Variants in KCNQ5 observed in about 807,000 individuals in gnomAD.
The protein encoded by KCNQ5 is potassium voltage-gated channel subfamily KQT member 5.
In KCNQ5, 30 loss-of-function variants were observed where a neutral mutation model predicts 98.2. That is an observed-to-expected ratio of 0.31 (90% CI 0.23 to 0.41). KCNQ5 has a LOEUF of 0.41. Ranked by LOEUF, KCNQ5 falls within the 10% of genes least tolerant of loss-of-function variation. The pLI is 1.00. For synonymous variants in KCNQ5, 458 were observed against 449.4 expected (o/e 1.02, Z -0.24); for missense variants, 835 against 1,182.5 (o/e 0.71, Z 4.31).
intron 1 of KCNQ5, among the ~76,000 whole-genome samples, chr6:72,727,899 C>T (rs918139176): frequency 6.6e-6 from 1 of 152,138 alleles, no homozygotes; most frequent in Admixed American, 6.5e-5. Context: ...CAGGTTGGGT[C>T]TATGTCCACT....
chr6:72,898,133 G>T lies in KCNQ5; in HGVS notation c.399-105775G>T, dbSNP rs1033137853. Among the ~76,000 whole-genome samples the T allele has an allele frequency of 1.3e-5, 2 of 152,098 alleles. 1 individual carries two copies. The highest frequency in any genetic ancestry group is 4.2e-4 in the South Asian group (2 of 4,816). On this transcript the variant is annotated intron_variant, in intron 1 of 13. Transcript: ENST00000370398. ...GGGGAAAATGTCTGTATACATGAGGGGGAAACGTTTGTGTAATGAGATTTT... is the reference window on the plus strand; with the variant it reads ...GGGGAAAATGTCTGTATACATGAGGTGGAAACGTTTGTGTAATGAGATTTT...
At chr6:72,677,793 A>G (rs1767487635) in intron 1 of KCNQ5, among the ~76,000 whole-genome samples, 1 of 152,360 alleles carries the variant, frequency 6.6e-6, no homozygotes, top group South Asian at 2.1e-4. Context: ...CTATTGAACT[A>G]TAAATCAAAT....
At chr6:73,147,971 A>G (rs978571396) in intron 10 of KCNQ5, among the ~76,000 whole-genome samples, 1 of 152,202 alleles carries the variant, frequency 6.6e-6, no homozygotes, top group Non-Finnish European at 1.5e-5. Flanking sequence ...TTTAAGGAAC[A>G]TATAAAAACA....
chr6:73,131,941 A>G (rs1582415675), intron 9 of KCNQ5, among the ~76,000 whole-genome samples: 1 of 152,220 alleles, frequency 6.6e-6, no homozygotes. Context: ...TGTCAGTTGC[A>G]TGGTCAACTT....
intron 5 of KCNQ5, among the ~76,000 whole-genome samples, chr6:73,088,023 CTT>C (rs35354592): frequency 4.9e-4 from 66 of 133,360 alleles, no homozygotes; most frequent in Middle Eastern, 4.0e-3. Flanking sequence ...CTCTCTCTCT[CTT>C]TTTTTTTTTT....
At chr6:73,181,117 G>A (rs2150514483) in intron 11 of KCNQ5, among the ~76,000 whole-genome samples, 1 of 152,264 alleles carries the variant, frequency 6.6e-6, no homozygotes, top group East Asian at 1.9e-4. Context: ...GTTTCACTTT[G>A]CTTTAGTTAT....
At chr6:72,868,651 G>C (rs1220591923) in intron 1 of KCNQ5, among the ~76,000 whole-genome samples, 1 of 152,200 alleles carries the variant, frequency 6.6e-6, no homozygotes, top group African/African-American at 2.4e-5. Flanking sequence ...AGGCAAAGGT[G>C]ACAGTCAGGT....
At chr6:72,983,513 C>T (rs1768578351) in intron 1 of KCNQ5, among the ~76,000 whole-genome samples, 2 of 152,146 alleles carry the variant, frequency 1.3e-5, no homozygotes, top group Admixed American at 1.3e-4. Context: ...CCATGGTTTT[C>T]AGCTCCATCA....
chr6:72,910,713 G>T (rs1562062288), intron 1 of KCNQ5, among the ~76,000 whole-genome samples: 1 of 151,816 alleles, frequency 6.6e-6, no homozygotes, highest in Admixed American at 6.6e-5. Flanking sequence ...TCTAAATTTT[G>T]TTGCTGTGTC....
At chr6:72,649,248 T>C (rs768182790) in intron 1 of KCNQ5, among the ~76,000 whole-genome samples, 1 of 152,168 alleles carries the variant, frequency 6.6e-6, no homozygotes, top group Non-Finnish European at 1.5e-5. Context: ...TCACAGCCTC[T>C]TTCAGAATCT....
intron 1 of KCNQ5, among the ~76,000 whole-genome samples, chr6:72,922,456 A>T (rs953878529): frequency 1.6e-4 from 24 of 152,174 alleles, no homozygotes; most frequent in African/African-American, 5.8e-4. Context: ...ATTTTCAAGT[A>T]GGCAGTACAT....
intron 1 of KCNQ5, among the ~76,000 whole-genome samples, chr6:72,752,333 A>G (rs1771726879): frequency 6.6e-6 from 1 of 152,134 alleles, no homozygotes. Flanking sequence ...GTTAATCTCC[A>G]AAGCAGGAAA....
chr6:72,873,861 CGT>C (rs1423483002), intron 1 of KCNQ5, among the ~76,000 whole-genome samples: 1 of 151,750 alleles, frequency 6.6e-6, no homozygotes, highest in Non-Finnish European at 1.5e-5. Context: ...TGCATATAAA[CGT>C]ATATCTTTTG....
intron 1 of KCNQ5, among the ~76,000 whole-genome samples, chr6:72,943,203 A>C (rs1424681823): frequency 2.0e-5 from 3 of 152,206 alleles, no homozygotes; most frequent in African/African-American, 7.2e-5. Flanking sequence ...TGTCGCTGAA[A>C]GATGATCGTG....
At position 72,663,698 on chromosome 6, in the gene KCNQ5, C is replaced by T. The variant is rs935243985; in HGVS notation, c.398+41111C>T. On this transcript the variant is annotated intron_variant, in intron 1 of 13. Transcript: ENST00000370398. ...ACATGACCTAAGTATAGTGCTTTCC[C>T]ATTAAAGTTTGGAGCTTTTAAAATG... 1.9e-4 allele frequency among the ~76,000 whole-genome samples: 29 copies of T among 152,182 alleles called. 1 individual carries two copies. Among genetic ancestry groups the T allele is most frequent in the Admixed American group, 1.7e-3 (26 of 15,284 alleles).
Position 72,775,637 on chromosome 6 carries a change from G to A in KCNQ5, c.398+153050G>A, listed in dbSNP as rs373581503. Among the ~76,000 whole-genome samples the A allele has an allele frequency of 1.1e-4, 16 of 152,186 alleles. No individual in the cohort carries two copies. In the East Asian group the frequency reaches 2.9e-3, roughly 28 times the overall value. ...AACGTTACCTCAGCCAGGTGATTGCGGTCGACATCATCACTCATAAGTCAT... is the reference window on the plus strand; with the variant it reads ...AACGTTACCTCAGCCAGGTGATTGCAGTCGACATCATCACTCATAAGTCAT... On this transcript the variant is annotated intron_variant, in intron 1 of 13. Transcript: ENST00000370398.
intron 1 of KCNQ5, among the ~76,000 whole-genome samples, chr6:72,904,906 T>C (rs1779643101): frequency 6.6e-6 from 1 of 152,200 alleles, no homozygotes; most frequent in African/African-American, 2.4e-5. Flanking sequence ...TTCTTGTATT[T>C]GTATGTCTAG....
intron 2 of KCNQ5, among the ~76,000 whole-genome samples, chr6:73,035,988 TGTG>T (rs1771400843): frequency 1.1e-4 from 2 of 18,994 alleles, no homozygotes; most frequent in Admixed American, 9.0e-4. Flanking sequence ...AATACATTTG[TGTG>T]TGTGTGTGTG....
intron 1 of KCNQ5, among the ~76,000 whole-genome samples, chr6:72,744,575 C>T (rs1311792659): frequency 6.6e-6 from 1 of 152,080 alleles, no homozygotes; most frequent in African/African-American, 2.4e-5. Flanking sequence ...CTTTGGGAGG[C>T]CAAGGTGGGC....
Sources: gnomAD v4.1 joint callset for allele counts (sites outside exome capture counted in the v4.1 genomes callset) on GRCh38, gnomAD v4.1.1 for gene constraint, MANE v1.5 for transcripts, NCBI Gene and HGNC (gene_info 2026-07-23, HGNC 2026-07-21) for gene names.